UAP1: variants seen among roughly 807,000 people sequenced by gnomAD.
UAP1 encodes UDP-N-acetylglucosamine pyrophosphorylase 1.
A neutral mutation model predicts 58.5 loss-of-function variants in UAP1; 25 were observed. The ratio of observed to expected loss-of-function variants is 0.43; its 90% CI spans 0.31 to 0.60. The LOEUF (loss-of-function observed/expected upper bound fraction) is 0.60, where lower values mean the gene tolerates loss of function less well. Among genes scored for constraint, UAP1 ranks in the 20% least tolerant of loss-of-function variants. UAP1 has a pLI of 0.11. For missense variants in UAP1, 575 were observed against 630.0 expected (o/e 0.91, Z 0.93); for synonymous variants, 208 against 213.0 (o/e 0.98, Z 0.21).
chr1:162,577,435 C>CG (rs779214500), intron 3 of UAP1, among the ~76,000 whole-genome samples: 2 of 95,212 alleles, frequency 2.1e-5, no homozygotes, highest in Non-Finnish European at 4.0e-5. Context: ...AGTTCCTTCC[C>CG]TTTTTTTTTT....
rs577431285 is a variant in UAP1, at chr1:162,592,842, A to T, written c.1409+60A>T. 2.6e-5 allele frequency: 37 copies of T among 1,426,438 alleles called. No individual in the cohort carries two copies. The East Asian group carries it at 7.5e-4, about 29-fold the overall frequency. 88.4% of individuals were successfully genotyped at this position (1,426,438 alleles called of 1,614,324 possible). A position where few individuals can be genotyped will look rare whatever the true frequency, so the allele number is the denominator to read the frequency against. The stretch of plus-strand genomic sequence containing the variant: ...TGGGGCTGTGCTTCCCTCCATACTA[A>T]CTGGCATCGTAGTTTAGTGCTCTGC... On this transcript the variant is annotated intron_variant, in intron 9 of 10. Coordinates refer to ENST00000271469, the Ensembl canonical transcript of UAP1.
intron 10 of UAP1, 91 bp from the exon 11 acceptor site, chr1:162,599,176 TGGCA>T: frequency 1.3e-5 from 9 of 681,180 alleles, no homozygotes; most frequent in Admixed American, 6.0e-5. Flanking sequence ...CAACCTTTTT[TGGCA>T]TTTGTGCTTT....
intron 10 of UAP1, 24 bp from the exon 11 acceptor site, chr1:162,599,247 G>A (rs1310034528): frequency 6.4e-7 from 1 of 1,555,094 alleles, no homozygotes; most frequent in Non-Finnish European, 8.9e-7. Flanking sequence ...TTCTAATTGT[G>A]TTTCATTTCA....
In UAP1 at chr1:162,577,434, C is replaced by CTTTT. The variant is rs1557970274; in HGVS notation, c.485+453_485+454insTTTT. Reference sequence around the variant, plus strand: ...CACCTTGGTCAGTGTTAGTTCCTTCCCTTTTTTTTTTTTTTTTTTTTTTTT... The same window carrying CTTTT: ...CACCTTGGTCAGTGTTAGTTCCTTCCTTTTCTTTTTTTTTTTTTTTTTTTTTTTT... On this transcript the variant is annotated intron_variant, in intron 3 of 10. Transcript: ENST00000271469. Among the ~76,000 whole-genome samples the CTTTT allele has an allele frequency of 3.5e-4, 49 of 138,222 alleles. 1 individual carries two copies. The highest frequency in any genetic ancestry group is 1.2e-3 in the African/African-American group (43 of 34,846). 90.7% of individuals were successfully genotyped at this position (138,222 alleles called of 152,430 possible).
At chr1:162,590,429 A>T in exon 8 of UAP1, 2 of 1,613,656 alleles carry the variant, frequency 1.2e-6, no homozygotes, top group Middle Eastern at 1.7e-4. Context: ...GCATGCTTTG[A>T]TGTCCCTTCA....
At chr1:162,577,041 A>G in intron 3 of UAP1, 60 bp downstream of exon 3, 1 of 1,493,444 alleles carries the variant, frequency 6.7e-7, no homozygotes, top group Non-Finnish European at 9.2e-7. Flanking sequence ...AATATTCAAA[A>G]TGCATATATA....
exon 6 of UAP1, chr1:162,587,622 A>G: frequency 1.2e-6 from 2 of 1,614,088 alleles, no homozygotes; most frequent in East Asian, 2.2e-5. Context: ...TGCGGGGAAC[A>G]TTGCCAACCA....
At position 162,587,644 on chromosome 1, in the gene UAP1, T is replaced by C. The variant is rs781103040; in HGVS notation, c.1004T>C (p.Val335Ala). The change falls in exon 6 of 11, where the codon GTA becomes GCA. Residue 335 changes from valine (V) to alanine (A), a missense_variant. Physicochemically the swap from Val to Ala is moderately conservative, Grantham distance 64. Coordinates refer to ENST00000271469, the Ensembl canonical transcript of UAP1. ...AACATTGCCAACCATTTCTTCACTGTACCATTTCTGAGAGATGTTGTCAAG... is the reference window on the plus strand; with the variant it reads ...AACATTGCCAACCATTTCTTCACTGCACCATTTCTGAGAGATGTTGTCAAG... 3 of 1,613,606 alleles carry C rather than the reference T, an allele frequency of 1.9e-6. No individual in the cohort carries two copies. The East Asian group carries it at 6.7e-5, about 36-fold the overall frequency.
At chr1:162,567,401 A>G (rs767474993) in intron 2 of UAP1, among the ~76,000 whole-genome samples, 1 of 152,206 alleles carries the variant, frequency 6.6e-6, no homozygotes, top group Non-Finnish European at 1.5e-5. Context: ...GTGTTTGTTG[A>G]ATTGCCCCAA....
At chr1:162,570,081 G>A (rs1414148878) in intron 2 of UAP1, among the ~76,000 whole-genome samples, 1 of 151,766 alleles carries the variant, frequency 6.6e-6, no homozygotes, top group Non-Finnish European at 1.5e-5. Context: ...CCCAGGAGGC[G>A]GAGCTTGCAG....
intron 4 of UAP1, among the ~76,000 whole-genome samples, chr1:162,580,419 A>G (rs868320530): frequency 2.6e-5 from 4 of 152,236 alleles, no homozygotes; most frequent in African/African-American, 9.6e-5. Context: ...GCACAATTCC[A>G]GGTAGTGCAT....
At chr1:162,581,597 C>T in intron 5 of UAP1, 138 bp downstream of exon 5, 1 of 817,190 alleles carries the variant, frequency 1.2e-6, no homozygotes, top group Non-Finnish European at 1.8e-6. Context: ...CTAAACGGTC[C>T]CACACCCACT....
intron 7 of UAP1, among the ~76,000 whole-genome samples, chr1:162,589,183 T>G (rs562018713): frequency 1.1e-5 from 1 of 90,784 alleles, no homozygotes; most frequent in South Asian, 3.0e-4. Context: ...ATATTATATA[T>G]AATATATATT....
At chr1:162,589,112 A>G (rs1335306960) in intron 7 of UAP1, among the ~76,000 whole-genome samples, 3 of 118,052 alleles carry the variant, frequency 2.5e-5, no homozygotes, top group Admixed American at 2.4e-4. Context: ...TATATATTAT[A>G]TATATATTTT....
intron 4 of UAP1, 74 bp from the exon 5 acceptor site, chr1:162,581,213 A>G: frequency 6.8e-7 from 1 of 1,478,600 alleles, no homozygotes; most frequent in Non-Finnish European, 9.1e-7. Flanking sequence ...TCTTAACCCT[A>G]GTTTGGAAAC....
chr1:162,565,772 A>G (rs949624276), intron 1 of UAP1, among the ~76,000 whole-genome samples: 5 of 152,188 alleles, frequency 3.3e-5, no homozygotes, highest in Non-Finnish European at 5.9e-5. Context: ...AGTGGTAATA[A>G]TAGTGCCTAT....
At position 162,590,304 on chromosome 1, in the gene UAP1, T is replaced by C. The variant is rs1655219275; in HGVS notation, c.1170-19T>C. On this transcript the variant is annotated intron_variant, in intron 7 of 10. Transcript: ENST00000271469. ...ATGCAGTTTCATAATAAAGAGGTCT[T>C]TATATGGTTTCGCTCTAGGAAGTTT... is the stretch of plus-strand genomic sequence containing the variant. The C allele has an allele frequency of 6.3e-7, 1 of 1,598,372 alleles. No homozygotes were observed. Among genetic ancestry groups the C allele is most frequent in the East Asian group, 2.2e-5 (1 of 44,580 alleles).
At chr1:162,578,338 C>A (rs774709511) in intron 3 of UAP1, among the ~76,000 whole-genome samples, 4 of 152,170 alleles carry the variant, frequency 2.6e-5, no homozygotes, top group Non-Finnish European at 4.4e-5. Flanking sequence ...AGCCTCAGTT[C>A]CCTTTTGAAA....
At chr1:162,565,878 A>C in intron 1 of UAP1, 134 bp from the exon 2 acceptor site, 1 of 605,386 alleles carries the variant, frequency 1.7e-6, no homozygotes, top group Admixed American at 3.1e-5. Flanking sequence ...ATCTCTTACA[A>C]ATATTGAGTG....
Sources: allele counts gnomAD v4.1 joint callset (sites outside exome capture counted in the v4.1 genomes callset), GRCh38; gene constraint gnomAD v4.1.1; transcripts MANE v1.5; gene names NCBI Gene and HGNC (gene_info 2026-07-23, HGNC 2026-07-21).